CCDC187: variants seen among roughly 807,000 people sequenced by gnomAD.
CCDC187 encodes the protein coiled-coil domain-containing protein 187.
A neutral mutation model predicts 38.0 loss-of-function variants in CCDC187; 32 were observed. That is an observed-to-expected ratio of 0.84 (90% CI 0.64 to 1.13). The LOEUF is 1.13. Among genes scored for constraint, CCDC187 ranks in the 50% most tolerant of loss-of-function variants. The pLI, the probability that CCDC187 is intolerant of heterozygous loss-of-function variation, is 0.00. For missense variants in CCDC187, 707 were observed against 786.8 expected (o/e 0.90, Z 1.21); for synonymous variants, 333 against 347.9 (o/e 0.96, Z 0.48).
chr9:136,289,518 CAAAAAAAAAAA>C (rs878962393), intron 7 of CCDC187, among the ~76,000 whole-genome samples: 13 of 67,298 alleles, frequency 1.9e-4, no homozygotes, highest in Non-Finnish European at 2.7e-4. Flanking sequence ...AACTCCATCT[CAAAAAAAAAAA>C]AAAAAAAAAA....
chr9:136,252,573 C>T lies in CCDC187; in HGVS notation c.*1021G>A. ...CCAGGAGACTGTCCCGCACAGCCGG[C>T]CGCCCGGCCGGTCCACCCTGGGAAA... On this transcript the variant is annotated 3_prime_UTR_variant, in exon 26 of 26. Coordinates refer to ENST00000638797, the MANE Select transcript of CCDC187 (RefSeq NM_001378188.1). 5.8e-6 allele frequency: 1 copy of T among 173,818 alleles called. No individual in the cohort carries two copies. Among genetic ancestry groups the T allele is most frequent in the South Asian group, 9.2e-5 (1 of 10,904 alleles). The allele number at this position is 173,818 out of a possible 1,614,324, so 10.8% of individuals were successfully genotyped here.
Position 136,250,410 on chromosome 9 carries a change from C to T in CCDC187, c.*3184G>A, listed in dbSNP as rs1830521085. 3.4e-6 allele frequency: 1 copy of T among 291,618 alleles called. No individual in the cohort carries two copies. The highest frequency in any genetic ancestry group is 6.7e-6 in the Non-Finnish European group (1 of 149,374). The allele number at this position is 291,618 out of a possible 1,614,324, so 18.1% of individuals were successfully genotyped here. ...TCAGCACCAACCACGTGGCAGCGAG[C>T]CTGGGAGCCATCAGATTCGCTGCAA... On this transcript the variant is annotated 3_prime_UTR_variant, in exon 26 of 26. Coordinates refer to ENST00000638797, the MANE Select transcript of CCDC187 (RefSeq NM_001378188.1).
Position 136,283,742 on chromosome 9 carries a change from G to T in CCDC187, c.2927+1771C>A, listed in dbSNP as rs1411944986. On this transcript the variant is annotated intron_variant, in intron 9 of 25. Transcript: ENST00000638797. Reference sequence around the variant, plus strand: ...AGACCTCAGCCTGGGTCTGGCCCTGGGGACAGATCTAGCTGGTCCCCCGGG... The same window carrying T: ...AGACCTCAGCCTGGGTCTGGCCCTGTGGACAGATCTAGCTGGTCCCCCGGG... Among the ~76,000 whole-genome samples the T allele has an allele frequency of 3.3e-5, 5 of 152,184 alleles. No homozygotes were observed. The East Asian group carries it at 5.8e-4, about 18-fold the overall frequency.
At chr9:136,282,528 G>A (rs913586913) in intron 9 of CCDC187, among the ~76,000 whole-genome samples, 25 of 152,304 alleles carry the variant, frequency 1.6e-4, no homozygotes, top group Admixed American at 9.1e-4. Flanking sequence ...CTGTGAGCAC[G>A]GCTCACCTCA....
chr9:136,292,773 C>A (rs931172776), intron 4 of CCDC187, among the ~76,000 whole-genome samples: 2 of 152,206 alleles, frequency 1.3e-5, no homozygotes, highest in African/African-American at 4.8e-5. Flanking sequence ...GCCACGTGTG[C>A]CGAGCCACAG....
chr9:136,262,708 C>T (rs1188359785), intron 18 of CCDC187, among the ~76,000 whole-genome samples: 2 of 152,206 alleles, frequency 1.3e-5, no homozygotes, highest in East Asian at 1.9e-4. Context: ...CAGAGACCCC[C>T]ATGCCCAGCT....
intron 4 of CCDC187, among the ~76,000 whole-genome samples, chr9:136,294,172 G>T (rs1450036751): frequency 2.3e-5 from 2 of 87,456 alleles, no homozygotes; most frequent in East Asian, 3.8e-4. Context: ...TCACTCACAC[G>T]CTCATATACA....
chr9:136,290,439 T>C (rs1831293142), intron 6 of CCDC187, 47 bp downstream of exon 6: 2 of 398,508 alleles, frequency 5.0e-6, no homozygotes, highest in Non-Finnish European at 8.8e-6. Flanking sequence ...CCTAAGCCTC[T>C]GGCCCATGGC....
intron 7 of CCDC187, among the ~76,000 whole-genome samples, chr9:136,287,841 A>T (rs1354916807): frequency 6.6e-6 from 1 of 152,120 alleles, no homozygotes; most frequent in Non-Finnish European, 1.5e-5. Flanking sequence ...ATGGGGACAG[A>T]GTGTCAGTTT....
rs1831186849 is a variant in CCDC187, at chr9:136,286,562, G to A, written c.2356C>T (p.Gln786Ter). ...ASPSLGSLEL[Q>*]DLTTRYLPRG... Reference sequence around the variant, plus strand: ...GGTAGGTAGCGGGTGGTCAGGTCCTGGAGCTCCAGGGATCCCAGAGAGGGT... The same window carrying A: ...GGTAGGTAGCGGGTGGTCAGGTCCTAGAGCTCCAGGGATCCCAGAGAGGGT... Residue 786 changes from glutamine (Q) to a stop codon, truncating the protein, a stop_gained, in exon 8 of 26, where the codon CAG (glutamine) becomes TAG (stop). Transcript: ENST00000638797. LOFTEE classifies it high-confidence loss of function. 1 of 398,730 alleles carries A rather than the reference G, an allele frequency of 2.5e-6. No homozygotes were observed. Among genetic ancestry groups the A allele is most frequent in the East Asian group, 3.6e-5 (1 of 28,068 alleles). 24.7% of individuals were successfully genotyped at this position (398,730 alleles called of 1,614,324 possible).
chr9:136,300,144 C>T (rs1368822674), intron 3 of CCDC187, 76 bp downstream of exon 3: 5 of 397,336 alleles, frequency 1.3e-5, no homozygotes, highest in Admixed American at 4.4e-5. Flanking sequence ...GTGAGGGTGG[C>T]CCAGCATGTG....
Position 136,257,416 on chromosome 9 carries a change from C to A in CCDC187, c.4367-575G>T, listed in dbSNP as rs1554760448. 6.6e-6 allele frequency among the ~76,000 whole-genome samples: 1 copy of A among 151,726 alleles called. No individual in the cohort carries two copies. The highest frequency in any genetic ancestry group is 1.5e-5 in the Non-Finnish European group (1 of 67,990). On this transcript the variant is annotated intron_variant, in intron 22 of 25. Transcript: ENST00000638797. This position sits in a 1 kb window ranked among gnomAD's most constrained non-coding sequence, Gnocchi z 4.5. Reference sequence around the variant, plus strand: ...AATAATAATAATAATAATTTAGAGGCCTCTTTCCCTCCCTTGGGGGAAACC... The same window carrying A: ...AATAATAATAATAATAATTTAGAGGACTCTTTCCCTCCCTTGGGGGAAACC...
At position 136,291,527 on chromosome 9, in the gene CCDC187, G is replaced by C. The variant is rs894634668; in HGVS notation, c.1086C>G (p.Phe362Leu). The C allele has an allele frequency of 2.5e-6, 1 of 398,776 alleles. No individual in the cohort carries two copies. Among genetic ancestry groups the C allele is most frequent in the African/African-American group, 2.1e-5 (1 of 48,778 alleles). The allele number at this position is 398,776 out of a possible 1,614,324, so 24.7% of individuals were successfully genotyped here. ...CCGTCTGTATGGTCGCTGGCTGGTC[G>C]AAGGAAGCCAGGCTGGGTGTGTTCC... ...VSGNTPSLASFDQPATIQTAM... is the reference protein window; with the variant it reads ...VSGNTPSLASLDQPATIQTAM... The change falls in exon 6 of 26, where the codon TTC becomes TTG. Residue 362 changes from phenylalanine (F) to leucine (L), a missense_variant. By Grantham distance (22) the Phe-to-Leu change is conservative (BLOSUM62 0). Coordinates refer to ENST00000638797, the MANE Select transcript of CCDC187 (RefSeq NM_001378188.1).
chr9:136,258,560 T>C lies in CCDC187; in HGVS notation c.4366+372A>G, dbSNP rs1177434861. ...GCTCTCGGGGGGGGCCCCGGCCAAGTGTAAGGTTCAGAAAGAGAAAAATGT... is the reference window on the plus strand; with the variant it reads ...GCTCTCGGGGGGGGCCCCGGCCAAGCGTAAGGTTCAGAAAGAGAAAAATGT... On this transcript the variant is annotated intron_variant, in intron 22 of 25. Transcript: ENST00000638797. The surrounding 1 kb of genome is among the most constrained non-coding windows in gnomAD (Gnocchi z 4.3). Among the ~76,000 whole-genome samples the C allele has an allele frequency of 6.6e-6, 1 of 151,232 alleles. No homozygotes were observed. The highest frequency in any genetic ancestry group is 1.5e-5 in the Non-Finnish European group (1 of 67,796).
At chr9:136,297,518 C>T (rs1831565368) in intron 4 of CCDC187, among the ~76,000 whole-genome samples, 196 bp downstream of exon 4, 2 of 152,240 alleles carry the variant, frequency 1.3e-5, no homozygotes, top group South Asian at 4.1e-4. Flanking sequence ...TGGCCAAGGT[C>T]ACCAGTTGCC....
intron 2 of CCDC187, among the ~76,000 whole-genome samples, chr9:136,301,856 G>A (rs939969338): frequency 4.6e-5 from 7 of 151,920 alleles, no homozygotes; most frequent in African/African-American, 1.7e-4. Context: ...TCAAAGTGCT[G>A]GGATTACAGG....
At chr9:136,293,425 T>TCA (rs1377485932) in intron 4 of CCDC187, among the ~76,000 whole-genome samples, 1 of 100,866 alleles carries the variant, frequency 9.9e-6, no homozygotes, top group East Asian at 3.5e-4. Flanking sequence ...GCTCACATAC[T>TCA]CTCACATGCT....
At position 136,303,345 on chromosome 9, in the gene CCDC187, G is replaced by A. The variant is rs958447205; in HGVS notation, c.144-52C>T. On this transcript the variant is annotated intron_variant, in intron 1 of 25. Coordinates refer to ENST00000638797, the MANE Select transcript of CCDC187 (RefSeq NM_001378188.1). The stretch of plus-strand genomic sequence containing the variant: ...TCAGACATGCAGGCGCAGAGGTGCC[G>A]AGCAGAGCCGCTCAGACTGGCCCCA... 1.9e-4 allele frequency: 75 copies of A among 394,974 alleles called. 1 individual carries two copies. Among genetic ancestry groups the A allele is most frequent in the East Asian group, 1.1e-3 (30 of 27,942 alleles). The allele number at this position is 394,974 out of a possible 1,614,324, so 24.5% of individuals were successfully genotyped here. A position where few individuals can be genotyped will look rare whatever the true frequency, so the allele number is the denominator to read the frequency against.
Position 136,267,408 on chromosome 9 carries a change from A to T in CCDC187, c.3623T>A (p.Leu1208Gln). 2.0e-6 allele frequency: 2 copies of T among 985,494 alleles called. No individual in the cohort carries two copies. The highest frequency in any genetic ancestry group is 9.4e-5 in the South Asian group (2 of 21,294). 61.0% of individuals were successfully genotyped at this position (985,494 alleles called of 1,614,324 possible). A position where few individuals can be genotyped will look rare whatever the true frequency, so the allele number is the denominator to read the frequency against. ...CCCTCGTCGATGCTCCAGCCAGGCC[A>T]GCTCCGCGAGCGTTTTCTCCTGGAG... ...MALQEKTLAELAWLEHRRGCL... is the reference protein window; with the variant it reads ...MALQEKTLAEQAWLEHRRGCL... The change falls in exon 16 of 26, where the codon CTG (leucine) becomes CAG (glutamine). Residue 1208 changes from leucine to glutamine, a missense_variant. Leu to Gln is a moderately radical substitution (Grantham distance 113). Transcript: ENST00000638797.
Sources: allele counts gnomAD v4.1 joint callset (sites outside exome capture counted in the v4.1 genomes callset), GRCh38; gene constraint gnomAD v4.1.1; non-coding constraint Gnocchi (gnomAD v3.1); transcripts MANE v1.5; gene names NCBI Gene and HGNC (gene_info 2026-07-23, HGNC 2026-07-21).